GPATCH11: variants seen among roughly 807,000 people sequenced by gnomAD.
GPATCH11 encodes the protein G patch domain-containing protein 11.
A neutral mutation model predicts 44.8 loss-of-function variants in GPATCH11; 32 were observed. That is an observed-to-expected ratio of 0.71 (90% CI 0.54 to 0.96). GPATCH11 has a LOEUF of 0.96. Among genes scored for constraint, GPATCH11 ranks in the 40% least tolerant of loss-of-function variants. The pLI, the probability that GPATCH11 is intolerant of heterozygous loss-of-function variation, is 0.00. For missense variants in GPATCH11, 324 were observed against 303.1 expected (o/e 1.07, Z -0.51); for synonymous variants, 84 against 94.4 (o/e 0.89, Z 0.64).
Position 37,097,249 on chromosome 2 carries a change from T to C in GPATCH11, c.*986T>C, listed in dbSNP as rs1673634935. ...AGAGAACTCACTGCTTTAAAACCAT[T>C]CCATTACTGGGTAGCTCTGAATTGT... On this transcript the variant is annotated 3_prime_UTR_variant, in exon 9 of 9. Transcript: ENST00000674370. The C allele has an allele frequency of 6.6e-6, 1 of 152,198 alleles. No homozygotes were observed. The highest frequency in any genetic ancestry group is 1.5e-5 in the Non-Finnish European group (1 of 68,030). 9.4% of individuals were successfully genotyped at this position (152,198 alleles called of 1,614,324 possible).
rs1427649721 is a variant in GPATCH11 at position 37,098,499 on chromosome 2, A to G, written c.*2236A>G. Reference sequence around the variant, plus strand: ...TCAGTCAAATCCCAAAGCCAAATGGATAATTTCAGATGGAATGGAGTTAGA... The same window carrying G: ...TCAGTCAAATCCCAAAGCCAAATGGGTAATTTCAGATGGAATGGAGTTAGA... On this transcript the variant is annotated 3_prime_UTR_variant, in exon 9 of 9. Coordinates refer to ENST00000674370, the MANE Select transcript of GPATCH11 (RefSeq NM_174931.4). The G allele has an allele frequency of 6.6e-6, 1 of 152,100 alleles. No individual in the cohort carries two copies. The highest frequency in any genetic ancestry group is 1.5e-5 in the Non-Finnish European group (1 of 68,046). 9.4% of individuals were successfully genotyped at this position (152,100 alleles called of 1,614,324 possible).
chr2:37,084,626 G>C, intron 1 of GPATCH11, 56 bp downstream of exon 1: 1 of 1,210,206 alleles, frequency 8.3e-7, no homozygotes, highest in African/African-American at 1.6e-5. Context: ...ATAAAAGGCA[G>C]AGTGCGCTGG....
At chr2:37,085,216 T>C (rs764099018) in intron 1 of GPATCH11, among the ~76,000 whole-genome samples, 1 of 152,228 alleles carries the variant, frequency 6.6e-6, no homozygotes, top group Non-Finnish European at 1.5e-5. Context: ...TAAAGTTAAG[T>C]AGGTCTCTTA....
intron 3 of GPATCH11, 60 bp from the exon 4 acceptor site, chr2:37,090,621 T>TAG (rs1673269943): frequency 1.1e-6 from 1 of 902,278 alleles, no homozygotes; most frequent in East Asian, 2.7e-5. Flanking sequence ...GTTGCATACT[T>TAG]ATACTGTTCT....
intron 2 of GPATCH11, 129 bp from the exon 3 acceptor site, chr2:37,089,511 G>A: frequency 1.4e-6 from 1 of 694,830 alleles, no homozygotes; most frequent in Non-Finnish European, 2.4e-6. Flanking sequence ...AGGTTGCAGT[G>A]AGCCAAGATT....
intron 1 of GPATCH11, 60 bp downstream of exon 1, chr2:37,084,630 G>T (rs1672882717): frequency 2.7e-5 from 32 of 1,205,556 alleles, no homozygotes; most frequent in Non-Finnish European, 3.3e-5. Flanking sequence ...AAGGCAGAGT[G>T]CGCTGGCCAT....
Position 37,089,656 on chromosome 2 carries a change from G to A in GPATCH11, c.76G>A (p.Gly26Arg), listed in dbSNP as rs905780805. ...CTTATTCAGAGAAGATATCAGACCA[G>A]GATTGCCAATGCTAAGGCAAATCCG... ...FINVQEDIRP[G>R]LPMLRQIREA... Residue 26 changes from glycine (G) to arginine (R), a missense_variant, in exon 3 of 9, where the codon GGA (glycine) becomes AGA (arginine). By Grantham distance (125) the Gly-to-Arg change is moderately radical. Coordinates refer to ENST00000674370, the MANE Select transcript of GPATCH11 (RefSeq NM_174931.4). The A allele has an allele frequency of 1.4e-5, 22 of 1,551,008 alleles. No homozygotes were observed. In the African/African-American group the frequency reaches 2.9e-4, roughly 20 times the overall value.
chr2:37,085,081 A>G (rs1273700732), intron 1 of GPATCH11, among the ~76,000 whole-genome samples: 1 of 152,208 alleles, frequency 6.6e-6, no homozygotes, highest in Non-Finnish European at 1.5e-5. Flanking sequence ...CATCTCTGCC[A>G]GGGTATCGCC....
chr2:37,093,271 G>C (rs1673420958), intron 6 of GPATCH11, among the ~76,000 whole-genome samples: 1 of 152,128 alleles, frequency 6.6e-6, no homozygotes, highest in Non-Finnish European at 1.5e-5. Flanking sequence ...GAGGCTGCAG[G>C]ATTGCTTGAG....
rs1480071820 is a variant in GPATCH11 at position 37,091,520 on chromosome 2, A to T, written c.329-396A>T. ...GGTTACAGTGAGCCATGATTGTGCC[A>T]CTACATACCAGCCTGTCCCTATAAA... On this transcript the variant is annotated intron_variant, in intron 4 of 8. Transcript: ENST00000674370. 2.6e-5 allele frequency among the ~76,000 whole-genome samples: 4 copies of T among 152,258 alleles called. No individual in the cohort carries two copies. The East Asian group carries it at 7.7e-4, about 29-fold the overall frequency.
In GPATCH11 at chr2:37,084,535, T is replaced by C. The variant is rs958977323; in HGVS notation, c.-49T>C. On this transcript the variant is annotated 5_prime_UTR_variant, in exon 1 of 9. Transcript: ENST00000674370. ...GTGGGCGCATGCGCAGCGCGCGCTC[T>C]ACGGCGCTGAACCGGGGCGAGCAGA... 10 of 1,232,348 alleles carry C rather than the reference T, an allele frequency of 8.1e-6. No homozygotes were observed. Among genetic ancestry groups the C allele is most frequent in the Non-Finnish European group, 1.0e-5 (10 of 988,362 alleles). 76.3% of individuals were successfully genotyped at this position (1,232,348 alleles called of 1,614,324 possible).
intron 7 of GPATCH11, among the ~76,000 whole-genome samples, chr2:37,094,632 CAAAA>C (rs1341142585): frequency 6.6e-6 from 1 of 151,864 alleles, no homozygotes; most frequent in Non-Finnish European, 1.5e-5. Flanking sequence ...TTATAAACAA[CAAAA>C]AAACACAATC....
intron 4 of GPATCH11, among the ~76,000 whole-genome samples, chr2:37,091,075 A>G (rs1015611912): frequency 1.3e-5 from 2 of 152,186 alleles, no homozygotes; most frequent in Admixed American, 1.3e-4. Context: ...CTGTAATCCC[A>G]GCACTTTGGG....
In GPATCH11 at chr2:37,089,651, G is replaced by C. The variant is rs555039570; in HGVS notation, c.71G>C (p.Arg24Thr). 1 of 1,550,422 alleles carries C rather than the reference G, an allele frequency of 6.4e-7. No individual in the cohort carries two copies. Among genetic ancestry groups the C allele is most frequent in the Non-Finnish European group, 8.7e-7 (1 of 1,146,386 alleles). The change falls in exon 3 of 9, where the codon AGA (arginine) becomes ACA (threonine). Residue 24 changes from arginine to threonine, a missense_variant. Arg to Thr is a moderately conservative substitution (Grantham distance 71). Transcript: ENST00000674370. ...TTTCCCTTATTCAGAGAAGATATCAGACCAGGATTGCCAATGCTAAGGCAA... is the reference window on the plus strand; with the variant it reads ...TTTCCCTTATTCAGAGAAGATATCACACCAGGATTGCCAATGCTAAGGCAA... ...DSFINVQEDIRPGLPMLRQIR... is the reference protein window; with the variant it reads ...DSFINVQEDITPGLPMLRQIR...
Position 37,096,503 on chromosome 2 carries a change from T to C in GPATCH11, c.*240T>C, listed in dbSNP as rs770634339. 24 of 453,552 alleles carry C rather than the reference T, an allele frequency of 5.3e-5. No individual in the cohort carries two copies. The highest frequency in any genetic ancestry group is 7.1e-5 in the Non-Finnish European group (18 of 254,520). The allele number at this position is 453,552 out of a possible 1,614,324, so 28.1% of individuals were successfully genotyped here. A position where few individuals can be genotyped will look rare whatever the true frequency, so the allele number is the denominator to read the frequency against. ...GTTACAATTTATTGCTATATTGTGA[T>C]ACGTGAGGGGTTTAAGGACACCAAC... On this transcript the variant is annotated 3_prime_UTR_variant, in exon 9 of 9. Transcript: ENST00000674370.
At chr2:37,095,598 G>C in intron 8 of GPATCH11, 80 bp downstream of exon 8, 1 of 1,389,206 alleles carries the variant, frequency 7.2e-7, no homozygotes, top group Non-Finnish European at 9.4e-7. Context: ...CACTGACAAT[G>C]GAAATTTCTT....
chr2:37,092,272 C>G lies in GPATCH11; in HGVS notation c.540+17C>G, dbSNP rs1673366464. 7.3e-7 allele frequency: 1 copy of G among 1,366,070 alleles called. No homozygotes were observed. Among genetic ancestry groups the G allele is most frequent in the African/African-American group, 1.5e-5 (1 of 66,736 alleles). 84.6% of individuals were successfully genotyped at this position (1,366,070 alleles called of 1,614,324 possible). On this transcript the variant is annotated intron_variant, in intron 6 of 8. Coordinates refer to ENST00000674370, the MANE Select transcript of GPATCH11 (RefSeq NM_174931.4). ...GTCCAGAAAGTAAGCCTTTTACCAG[C>G]TTTCAGTTTAGTAAAGTGTTTTGGC...
At position 37,093,331 on chromosome 2, in the gene GPATCH11, CAAAAAAAATAAA is replaced by C. The variant is rs369505453; in HGVS notation, c.541-750_541-739del. The stretch of plus-strand genomic sequence containing the variant: ...ACAACATAGCAAGTCCCCAGCTCTA[CAAAAAAAATAAA>C]TAAGTAAATAAATTCTGTCTTTGCT... On this transcript the variant is annotated intron_variant, in intron 6 of 8. Coordinates refer to ENST00000674370, the MANE Select transcript of GPATCH11 (RefSeq NM_174931.4). Among the ~76,000 whole-genome samples, 306 of 151,750 alleles carry C rather than the reference CAAAAAAAATAAA, an allele frequency of 2.0e-3. 1 individual carries two copies. Among genetic ancestry groups the C allele is most frequent in the African/African-American group, 7.2e-3 (297 of 41,370 alleles).
At chr2:37,094,040 T>C in intron 6 of GPATCH11, 42 bp from the exon 7 acceptor site, 1 of 1,093,308 alleles carries the variant, frequency 9.1e-7, no homozygotes, top group South Asian at 1.3e-5. Flanking sequence ...GTCATGCTCT[T>C]ATGTTTAGTA....
Sources: allele counts gnomAD v4.1 joint callset (sites outside exome capture counted in the v4.1 genomes callset), GRCh38; gene constraint gnomAD v4.1.1; transcripts MANE v1.5; gene names NCBI Gene and HGNC (gene_info 2026-07-23, HGNC 2026-07-21).